Variants in DMGDH observed in about 807,000 individuals in gnomAD.
The protein encoded by DMGDH is dimethylglycine dehydrogenase, also known as dimethylglycine dehydrogenase, mitochondrial.
A neutral mutation model predicts 95.2 loss-of-function variants in DMGDH; 76 were observed. The observed-to-expected ratio is 0.80, with a 90% confidence interval of 0.66 to 0.97. DMGDH has a LOEUF of 0.97. Among genes scored for constraint, DMGDH ranks in the 50% least tolerant of loss-of-function variants. The pLI is 0.00. For missense variants in DMGDH, 987 were observed against 1,055.0 expected (o/e 0.94, Z 0.89); for synonymous variants, 345 against 377.6 (o/e 0.91, Z 1.00).
intron 15 of DMGDH, chr5:79,000,506 T>C: frequency 1.7e-6 from 1 of 602,374 alleles, no homozygotes; most frequent in Middle Eastern, 2.8e-4. Context: ...GTAACAGAAA[T>C]GCCATGATCA....
At chr5:79,061,206 G>A (rs1273578383) in intron 2 of DMGDH, among the ~76,000 whole-genome samples, 2 of 146,004 alleles carry the variant, frequency 1.4e-5, no homozygotes, top group Non-Finnish European at 3.0e-5. Context: ...GTGACAGAGT[G>A]AAACTCTGTC....
chr5:79,028,727 C>T (rs1754071363), intron 11 of DMGDH, 77 bp from the exon 12 acceptor site: 21 of 1,471,432 alleles, frequency 1.4e-5, no homozygotes, highest in Non-Finnish European at 1.8e-5. Context: ...TCTCTGAAGA[C>T]ATGCTTTGTG....
intron 14 of DMGDH, among the ~76,000 whole-genome samples, chr5:79,020,085 G>A (rs986500388): frequency 2.0e-5 from 3 of 152,080 alleles, no homozygotes; most frequent in African/African-American, 7.2e-5. Flanking sequence ...TTCAGTTCAG[G>A]TAATTTTTAG....
At chr5:79,059,096 C>G (rs770239456) in intron 2 of DMGDH, among the ~76,000 whole-genome samples, 3 of 152,150 alleles carry the variant, frequency 2.0e-5, no homozygotes, top group Non-Finnish European at 4.4e-5. Context: ...CATAAACACA[C>G]AAAACAACTG....
chr5:78,998,340 C>G, intron 15 of DMGDH, 43 bp from the exon 16 acceptor site: 1 of 1,563,176 alleles, frequency 6.4e-7, no homozygotes, highest in Non-Finnish European at 8.8e-7. Flanking sequence ...TTGGTCACAG[C>G]TCTGTGCTCC....
chr5:79,061,674 T>A (rs1755214193), intron 2 of DMGDH, among the ~76,000 whole-genome samples: 2 of 152,012 alleles, frequency 1.3e-5, no homozygotes, highest in Admixed American at 6.5e-5. Flanking sequence ...AATTCTAAAG[T>A]CTTGGGAGGT....
At chr5:79,042,786 T>C (rs909788078) in intron 6 of DMGDH, among the ~76,000 whole-genome samples, 1 of 151,700 alleles carries the variant, frequency 6.6e-6, no homozygotes, top group Admixed American at 6.6e-5. Flanking sequence ...AAAAAAAAAC[T>C]ATAATTTGGT....
intron 8 of DMGDH, 120 bp from the exon 9 acceptor site, chr5:79,032,960 C>T (rs1754232912): frequency 7.7e-6 from 9 of 1,176,100 alleles, no homozygotes; most frequent in Admixed American, 1.8e-5. Context: ...TACATACATA[C>T]ATATATATGA....
In DMGDH at chr5:79,024,336, A is replaced by C. The variant is rs1160436206; in HGVS notation, c.2191-6T>G. The C allele has an allele frequency of 6.2e-7, 1 of 1,612,912 alleles. No homozygotes were observed. Among genetic ancestry groups the C allele is most frequent in the Admixed American group, 1.7e-5 (1 of 59,990 alleles). The stretch of plus-strand genomic sequence containing the variant: ...GGATTTGTATCACAGTTCATCTAAA[A>C]AGGAAACACACATTTTAAATCTTAG... On this transcript the variant is annotated splice_polypyrimidine_tract_variant and splice_region_variant and intron_variant, in intron 13 of 15. Coordinates refer to ENST00000255189, the MANE Select transcript of DMGDH (RefSeq NM_013391.3).
chr5:79,040,422 T>C (rs547525926), intron 7 of DMGDH, among the ~76,000 whole-genome samples: 2 of 152,340 alleles, frequency 1.3e-5, no homozygotes, highest in East Asian at 3.9e-4. Context: ...AAGACTAAAG[T>C]TGGACACCTA....
Position 79,069,554 on chromosome 5 carries a change from G to T in DMGDH, c.67C>A (p.Pro23Thr), listed in dbSNP as rs1019896974. 49 of 1,327,008 alleles carry T rather than the reference G, an allele frequency of 3.7e-5. No individual in the cohort carries two copies. In the East Asian group the frequency reaches 1.4e-3, roughly 37 times the overall value. The allele number at this position is 1,327,008 out of a possible 1,614,324, so 82.2% of individuals were successfully genotyped here. Residue 23 changes from proline (P) to threonine (T), a missense_variant, in exon 1 of 16, where the codon CCC becomes ACC. Pro to Thr is a conservative substitution (Grantham distance 38). Coordinates refer to ENST00000255189, the MANE Select transcript of DMGDH (RefSeq NM_013391.3). Reference sequence around the variant, plus strand: ...CCGCAGACAGAGCGCGGGCGCCCGGGGGAGCCCTGCAGCGGGCAGCTCCGC... The same window carrying T: ...CCGCAGACAGAGCGCGGGCGCCCGGTGGAGCCCTGCAGCGGGCAGCTCCGC... Reference protein sequence around the residue: ...LLRSCPLQGSPGRPRSVCGRE... With the variant: ...LLRSCPLQGSTGRPRSVCGRE...
At chr5:79,039,527 A>G (rs1754445281) in intron 7 of DMGDH, among the ~76,000 whole-genome samples, 1 of 152,076 alleles carries the variant, frequency 6.6e-6, no homozygotes, top group Non-Finnish European at 1.5e-5. Context: ...TGGACACAGG[A>G]AGGGGAACAT....
chr5:79,056,525 A>G (rs1308377395), intron 2 of DMGDH, among the ~76,000 whole-genome samples: 1 of 151,570 alleles, frequency 6.6e-6, no homozygotes, highest in Non-Finnish European at 1.5e-5. Context: ...CCTGGGCAAA[A>G]GAGCAAAACT....
At chr5:79,001,352 G>T (rs897510274) in intron 15 of DMGDH, among the ~76,000 whole-genome samples, 1 of 152,074 alleles carries the variant, frequency 6.6e-6, no homozygotes, top group Non-Finnish European at 1.5e-5. Context: ...TAGTAGAGAC[G>T]GGGTTTCACC....
chr5:79,050,248 CAAAA>C (rs57662602), intron 5 of DMGDH, among the ~76,000 whole-genome samples: 1 of 78,634 alleles, frequency 1.3e-5, no homozygotes, highest in Non-Finnish European at 2.3e-5. Context: ...AACTTTGTCT[CAAAA>C]AAAAAAAAAA....
chr5:79,001,034 G>A (rs1375825270), intron 15 of DMGDH: 2 of 692,684 alleles, frequency 2.9e-6, no homozygotes, highest in Non-Finnish European at 5.3e-6. Context: ...AGTCATCAAT[G>A]ACACACCATT....
chr5:78,998,096 T>C lies in DMGDH; in HGVS notation c.2587A>G (p.Lys863Glu). 20 of 1,614,236 alleles carry C rather than the reference T, an allele frequency of 1.2e-5. No homozygotes were observed. Among genetic ancestry groups the C allele is most frequent in the Non-Finnish European group, 1.7e-5 (20 of 1,180,038 alleles). ...TRNRLQKKGG[K>E]DKT ...AAGGTCTTTTTTCAAGTTTTGTCCT[T>C]TCCACCTTTTTTCTGAAGCCGGTTT... Residue 863 changes from lysine (K) to glutamate (E), a missense_variant, in exon 16 of 16, where the codon AAG (lysine) becomes GAG (glutamate). Coordinates refer to ENST00000255189, the MANE Select transcript of DMGDH (RefSeq NM_013391.3).
chr5:79,029,970 A>C lies in DMGDH; in HGVS notation c.1748T>G (p.Val583Gly). 3 of 1,614,094 alleles carry C rather than the reference A, an allele frequency of 1.9e-6. No individual in the cohort carries two copies. Among genetic ancestry groups the C allele is most frequent in the Non-Finnish European group, 2.5e-6 (3 of 1,179,964 alleles). Residue 583 changes from valine to glycine, a missense_variant, in exon 11 of 16, where the codon GTT (valine) becomes GGT (glycine). Val to Gly is a moderately radical substitution (Grantham distance 109). Transcript: ENST00000255189. ...PKGRVYAELTVSHQSPGEFLL... is the reference protein window; with the variant it reads ...PKGRVYAELTGSHQSPGEFLL... ...AAACTCCCCAGGAGATTGGTGAGAAACAGTCAGCTCAGCATACACTCGACC... is the reference window on the plus strand; with the variant it reads ...AAACTCCCCAGGAGATTGGTGAGAACCAGTCAGCTCAGCATACACTCGACC...
chr5:79,043,924 T>A (rs987806568), intron 6 of DMGDH, among the ~76,000 whole-genome samples: 8 of 152,192 alleles, frequency 5.3e-5, no homozygotes, highest in Admixed American at 2.6e-4. Flanking sequence ...TGATATCAGT[T>A]GTGTTTCCAG....
Sources: gnomAD v4.1 joint callset for allele counts (sites outside exome capture counted in the v4.1 genomes callset) on GRCh38, gnomAD v4.1.1 for gene constraint, MANE v1.5 for transcripts, NCBI Gene and HGNC (gene_info 2026-07-23, HGNC 2026-07-21) for gene names.